The following SIDT1 variants were observed in gnomAD, a reference collection of about 807,000 sequenced individuals.
The protein encoded by SIDT1 is SID1 transmembrane family member 1.
Under a neutral mutation model 107.5 loss-of-function variants are expected in SIDT1, and 101 were observed. The ratio of observed to expected loss-of-function variants is 0.94; its 90% CI spans 0.80 to 1.11. The LOEUF is 1.11. SIDT1 is among the 50% of genes least tolerant of loss of function. The probability of loss-of-function intolerance (pLI) is 0.00; values close to 1 mark genes in which losing one functional copy is unlikely to be tolerated. For missense variants in SIDT1, 1,076 were observed against 1,058.2 expected, an observed-to-expected ratio of 1.02 and a Z score of -0.23; for synonymous variants, 395 against 398.2, an observed-to-expected ratio of 0.99 and a Z score of 0.10.
intron 1 of SIDT1, among the ~76,000 whole-genome samples, chr3:113,547,506 T>C (rs1939726813): frequency 6.6e-6 from 1 of 152,164 alleles, no homozygotes; most frequent in African/African-American, 2.4e-5. Flanking sequence ...GTGACAATAA[T>C]AAACAAAGAA....
intron 24 of SIDT1, among the ~76,000 whole-genome samples, chr3:113,626,955 G>T (rs142719751): frequency 1.3e-5 from 2 of 152,248 alleles, no homozygotes; most frequent in African/African-American, 2.4e-5. Context: ...GTGGAGCAGG[G>T]CTATCCTCTA....
downstream of SIDT1, among the ~76,000 whole-genome samples, chr3:113,629,988 T>A (rs1300261728): frequency 6.6e-6 from 1 of 152,208 alleles, no homozygotes; most frequent in Non-Finnish European, 1.5e-5. Context: ...TTCAGCTGCA[T>A]CTGTAGGATT....
At chr3:113,588,940 G>C (rs1029122816) in intron 9 of SIDT1, 2 of 152,214 alleles carry the variant, frequency 1.3e-5, no homozygotes, top group Non-Finnish European at 2.9e-5. Flanking sequence ...GGTGTGATGA[G>C]AGAGTGTGGT....
chr3:113,569,371 G>C (rs1942240187), intron 3 of SIDT1, among the ~76,000 whole-genome samples: 1 of 152,024 alleles, frequency 6.6e-6, no homozygotes, highest in Non-Finnish European at 1.5e-5. Flanking sequence ...CAATTAAAAA[G>C]TTAATTTTTT....
chr3:113,580,292 G>A (rs958809655), intron 4 of SIDT1, among the ~76,000 whole-genome samples: 1 of 152,190 alleles, frequency 6.6e-6, no homozygotes, highest in Non-Finnish European at 1.5e-5. Flanking sequence ...AAGGGGGCAG[G>A]ATGCTTCTTA....
chr3:113,567,749 T>C, intron 3 of SIDT1, 39 bp downstream of exon 3: 1 of 1,594,140 alleles, frequency 6.3e-7, no homozygotes, highest in Non-Finnish European at 8.6e-7. Flanking sequence ...CTGTGTTTCC[T>C]GTGCTTGTGG....
intron 1 of SIDT1, among the ~76,000 whole-genome samples, chr3:113,552,359 T>C (rs1306566899): frequency 6.6e-6 from 1 of 151,614 alleles, no homozygotes; most frequent in African/African-American, 2.4e-5. Context: ...CAATGAAGAT[T>C]TGGGGAGGTT....
chr3:113,575,491 T>C (rs1433608844), intron 3 of SIDT1, among the ~76,000 whole-genome samples: 1 of 152,216 alleles, frequency 6.6e-6, no homozygotes, highest in Non-Finnish European at 1.5e-5. Context: ...CATAACTGGG[T>C]TTGACACTCA....
chr3:113,553,135 G>T (rs748331830), intron 1 of SIDT1, among the ~76,000 whole-genome samples: 2 of 152,120 alleles, frequency 1.3e-5, no homozygotes, highest in African/African-American at 4.8e-5. Context: ...GATCATCTCT[G>T]CCACAATGTT....
rs1329721507 is a variant in SIDT1 at position 113,628,278 on chromosome 3, T to G, written c.*570T>G. The G allele has an allele frequency of 6.5e-6, 1 of 153,026 alleles. No individual in the cohort carries two copies. The highest frequency in any genetic ancestry group is 1.5e-5 in the Non-Finnish European group (1 of 68,398). 9.5% of individuals were successfully genotyped at this position (153,026 alleles called of 1,614,324 possible). On this transcript the variant is annotated 3_prime_UTR_variant, in exon 25 of 25. Coordinates refer to ENST00000264852, the MANE Select transcript of SIDT1 (RefSeq NM_017699.3). ...CAGCTAGTCACCTCCCAGAAGAAAC[T>G]CTGTATATTTCCCCCAGGTTTCTGA...
chr3:113,586,772 TAGC>T (rs1943773377), intron 9 of SIDT1, among the ~76,000 whole-genome samples: 1 of 152,224 alleles, frequency 6.6e-6, no homozygotes, highest in South Asian at 2.1e-4. Flanking sequence ...GTCACTTTTG[TAGC>T]ATTCCAGAAA....
In SIDT1 at chr3:113,581,437, C is replaced by T. The variant is rs145086177; in HGVS notation, c.740C>T (p.Thr247Met). 2.0e-5 allele frequency: 32 copies of T among 1,612,810 alleles called. No homozygotes were observed. The East Asian group carries it at 2.9e-4, about 15-fold the overall frequency. Residue 247 changes from threonine (T) to methionine (M), a missense_variant, in exon 6 of 25, where the codon ACG becomes ATG. Transcript: ENST00000264852. ...TCCATGACCAAGAAAGCTGCCATCA[C>T]GCTACAGGTGAGGCATTGCTTCTGT... is the stretch of plus-strand genomic sequence containing the variant. ...YQSMTKKAAI[T>M]LQKKDFPGEQ... is the part of the protein sequence containing the mutation.
At chr3:113,571,486 G>GCACGCACACACACACACA (rs1942444629) in intron 3 of SIDT1, among the ~76,000 whole-genome samples, 1 of 148,852 alleles carries the variant, frequency 6.7e-6, no homozygotes, top group East Asian at 2.0e-4. Context: ...CCTATCCTCT[G>GCACGCACACACACACACA]CACACACACA....
intron 20 of SIDT1, 128 bp downstream of exon 20, chr3:113,616,304 G>A: frequency 1.4e-6 from 1 of 699,664 alleles, no homozygotes; most frequent in South Asian, 1.6e-5. Flanking sequence ...GGTGGCTAAA[G>A]GCCCATTAGT....
intron 1 of SIDT1, among the ~76,000 whole-genome samples, chr3:113,560,056 T>C (rs1474668087): frequency 6.6e-6 from 1 of 152,218 alleles, no homozygotes; most frequent in Non-Finnish European, 1.5e-5. Flanking sequence ...GTCATGATTG[T>C]TCCATCGCTG....
chr3:113,553,696 C>T (rs949525263), intron 1 of SIDT1, among the ~76,000 whole-genome samples: 4 of 152,192 alleles, frequency 2.6e-5, no homozygotes, highest in Admixed American at 2.0e-4. Context: ...CTGTTGGCTG[C>T]CTTCCAGGAG....
rs373314693 is a variant in SIDT1 at position 113,552,816 on chromosome 3, A to G, written c.223-13604A>G. On this transcript the variant is annotated intron_variant, in intron 1 of 24. Transcript: ENST00000264852. ...CCATCTACCCAAGCACAGGTCCTGT[A>G]TCCGGCCCCTTTGACATCCATGGGC... 8.4e-4 allele frequency among the ~76,000 whole-genome samples: 128 copies of G among 152,366 alleles called. 7 individuals are homozygous for G. The South Asian group carries it at 0.026, about 31-fold the overall frequency.
At chr3:113,619,612 A>G in intron 20 of SIDT1, 68 bp from the exon 21 acceptor site, 1 of 1,366,956 alleles carries the variant, frequency 7.3e-7, no homozygotes, top group Admixed American at 1.7e-5. Flanking sequence ...TGATACTTCT[A>G]CACAGTAGGT....
At chr3:113,567,457 T>C (rs1196756386) in intron 2 of SIDT1, 83 bp from the exon 3 acceptor site, 1 of 1,169,764 alleles carries the variant, frequency 8.5e-7, no homozygotes, top group Non-Finnish European at 1.2e-6. Flanking sequence ...AGAAGCAAAA[T>C]GAGATAGGCT....
Sources: gnomAD v4.1 joint callset for allele counts (sites outside exome capture counted in the v4.1 genomes callset) on GRCh38, gnomAD v4.1.1 for gene constraint, MANE v1.5 for transcripts, NCBI Gene and HGNC (gene_info 2026-07-23, HGNC 2026-07-21) for gene names.